The following AHCY variants were observed in gnomAD, a reference collection of about 807,000 sequenced individuals.
AHCY encodes adenosylhomocysteinase, also known as S-adenosyl-L-homocysteine hydrolase.
A neutral mutation model predicts 45.4 loss-of-function variants in AHCY; 24 were observed. That is an observed-to-expected ratio of 0.53 (90% CI 0.38 to 0.74). The LOEUF (loss-of-function observed/expected upper bound fraction) is 0.74. Ranked by LOEUF, AHCY falls within the 30% of genes least tolerant of loss-of-function variation. AHCY has a pLI of 0.00. For synonymous variants in AHCY, 245 were observed against 235.1 expected (o/e 1.04, Z -0.39); for missense variants, 449 against 594.1 (o/e 0.76, Z 2.54).
At chr20:34,301,997 T>C in intron 1 of AHCY, 5 of 929,442 alleles carry the variant, frequency 5.4e-6, no homozygotes, top group Non-Finnish European at 6.2e-6. Context: ...ATAGTGTCTT[T>C]TTTTGTTTGT....
At chr20:34,275,135 T>C in the AHCY span, among the ~76,000 whole-genome samples, 15,492 of 145,634 alleles carry the variant, frequency 0.11, 2,750 homozygotes, top group African/African-American at 0.36. Context: ...TATTTTCTTT[T>C]TTTTTTTTTT....
the AHCY span, chr20:34,268,895 T>C: frequency 1.7e-5 from 25 of 1,463,358 alleles, no homozygotes; most frequent in Non-Finnish European, 2.2e-5. Flanking sequence ...AAACCTCTGG[T>C]CCGGGATCTC....
Position 34,295,375 on chromosome 20 carries a change from G to A in AHCY, c.219+20C>T, listed in dbSNP as rs1422773943. On this transcript the variant is annotated intron_variant, in intron 2 of 9. Transcript: ENST00000217426. ...CCAGGGAGGGCAAGGACTCTGGGGT[G>A]ATACAGCTGTGGGCCTCACCTCAGC... 1.1e-5 allele frequency: 18 copies of A among 1,613,638 alleles called. No homozygotes were observed. Among genetic ancestry groups the A allele is most frequent in the Non-Finnish European group, 1.5e-5 (18 of 1,179,862 alleles).
chr20:34,268,937 G>A, the AHCY span: 1 of 1,554,068 alleles, frequency 6.4e-7, no homozygotes, highest in Non-Finnish European at 8.7e-7. Flanking sequence ...GCAGAGGTGA[G>A]GACCGGAGGG....
chr20:34,307,578 G>A (rs1406871037), upstream of AHCY, among the ~76,000 whole-genome samples: 1 of 152,040 alleles, frequency 6.6e-6, no homozygotes, highest in African/African-American at 2.4e-5. Context: ...CTCCATGTTG[G>A]TCAGGCTGGT....
At chr20:34,293,108 T>C (rs2036454874) in intron 3 of AHCY, among the ~76,000 whole-genome samples, 1 of 152,044 alleles carries the variant, frequency 6.6e-6, no homozygotes, top group South Asian at 2.1e-4. Flanking sequence ...CTCTAAATCC[T>C]CCATACCCCA....
chr20:34,286,642 T>G (rs1038404279), intron 8 of AHCY, among the ~76,000 whole-genome samples: 2 of 151,812 alleles, frequency 1.3e-5, no homozygotes, highest in African/African-American at 4.8e-5. Flanking sequence ...GGGACCAGCC[T>G]GAACAACATG....
chr20:34,307,673 CCT>C (rs1041245996), upstream of AHCY, among the ~76,000 whole-genome samples: 2 of 152,150 alleles, frequency 1.3e-5, no homozygotes, highest in Non-Finnish European at 2.9e-5. Flanking sequence ...TGCCCAGCCC[CCT>C]GTGTTTTCTT....
upstream of AHCY, among the ~76,000 whole-genome samples, chr20:34,305,562 C>T (rs867218894): frequency 2.0e-5 from 3 of 152,054 alleles, no homozygotes; most frequent in South Asian, 2.1e-4. Context: ...TCTAACTAAA[C>T]GTAGGATCAT....
the AHCY span, among the ~76,000 whole-genome samples, chr20:34,261,238 C>A: frequency 6.6e-6 from 1 of 152,200 alleles, no homozygotes; most frequent in East Asian, 1.9e-4. Flanking sequence ...TGGCTCACAC[C>A]TGTAATCCCA....
At chr20:34,252,870 G>C in the AHCY span, among the ~76,000 whole-genome samples, 181 of 152,316 alleles carry the variant, frequency 1.2e-3, no homozygotes, top group Non-Finnish European at 1.9e-3. Flanking sequence ...GAATGGCGAT[G>C]ACTTTTACCA....
At chr20:34,253,320 A>C in the AHCY span, among the ~76,000 whole-genome samples, 1 of 151,448 alleles carries the variant, frequency 6.6e-6, no homozygotes, top group Non-Finnish European at 1.5e-5. Flanking sequence ...GTTAGCCAGG[A>C]TGGTCTTGAT....
chr20:34,248,339 T>G, the AHCY span, among the ~76,000 whole-genome samples: 1 of 152,204 alleles, frequency 6.6e-6, no homozygotes, highest in Non-Finnish European at 1.5e-5. Context: ...GTCTCAATTC[T>G]GGTTATATTA....
intron 1 of AHCY, 139 bp from the exon 2 acceptor site, chr20:34,295,724 A>C: frequency 2.3e-6 from 2 of 872,078 alleles, no homozygotes; most frequent in African/African-American, 1.7e-5. Context: ...TCTCTCACTC[A>C]TGCAACAAGT....
the AHCY span, among the ~76,000 whole-genome samples, chr20:34,236,312 G>C: frequency 1.3e-5 from 2 of 152,198 alleles, no homozygotes; most frequent in Non-Finnish European, 2.9e-5. Context: ...GGCCGAAGCG[G>C]GCAGATCACC....
At chr20:34,253,487 T>TTTATTTG in the AHCY span, among the ~76,000 whole-genome samples, 1 of 147,564 alleles carries the variant, frequency 6.8e-6, no homozygotes, top group Non-Finnish European at 1.5e-5. Context: ...TTATTTATTT[T>TTTATTTG]TTAGAGACAG....
chr20:34,281,259 G>C lies in AHCY; in HGVS notation c.1168-94C>G, dbSNP rs566097880. 4.0e-3 allele frequency: 6,310 copies of C among 1,560,848 alleles called. 12 individuals carry two copies. Among genetic ancestry groups the C allele is most frequent in the Non-Finnish European group, 5.0e-3 (5,704 of 1,145,620 alleles). ...CAATAGAGGCAGAAGTGTTCTGTTA[G>C]GGTTTCTGCCATGTGTGGTACTCAT... On this transcript the variant is annotated intron_variant, in intron 9 of 9. Coordinates refer to ENST00000217426, the MANE Select transcript of AHCY (RefSeq NM_000687.4).
the AHCY span, among the ~76,000 whole-genome samples, chr20:34,274,878 C>T: frequency 1.3e-5 from 2 of 152,086 alleles, no homozygotes. Context: ...CGCTTGAGCT[C>T]GGGAGTTCAA....
At chr20:34,235,852 G>A in the AHCY span, among the ~76,000 whole-genome samples, 462 of 39,116 alleles carry the variant, frequency 0.012, 7 homozygotes, top group African/African-American at 0.017. Context: ...AAGGAAGGAA[G>A]GAAGGAAGGA....
Sources: gnomAD v4.1 joint callset for allele counts (sites outside exome capture counted in the v4.1 genomes callset) on GRCh38, gnomAD v4.1.1 for gene constraint, MANE v1.5 for transcripts, NCBI Gene and HGNC (gene_info 2026-07-23, HGNC 2026-07-21) for gene names.